Variants in F13A1 observed in about 807,000 individuals in gnomAD.
F13A1 encodes coagulation factor XIII A chain.
F13A1 carries 47 observed loss-of-function variants against 80.1 expected under a neutral mutation model. The ratio of observed to expected loss-of-function variants is 0.59; its 90% CI spans 0.46 to 0.75. F13A1 has a LOEUF of 0.75. F13A1 is among the 30% of genes least tolerant of loss of function. The pLI is 0.00. For synonymous variants in F13A1, 349 were observed against 344.9 expected, an observed-to-expected ratio of 1.01 and a Z score of -0.13; for missense variants, 817 against 930.4, an observed-to-expected ratio of 0.88 and a Z score of 1.59.
intron 12 of F13A1, among the ~76,000 whole-genome samples, chr6:6,172,313 C>G (rs1760790531): frequency 6.6e-6 from 1 of 152,124 alleles, no homozygotes; most frequent in African/African-American, 2.4e-5. Context: ...AATGTGGCTG[C>G]CTGTTTTAAA....
At chr6:6,300,548 C>T (rs1758411658) in intron 3 of F13A1, among the ~76,000 whole-genome samples, 1 of 152,186 alleles carries the variant, frequency 6.6e-6, no homozygotes, top group Admixed American at 6.5e-5. Context: ...GGAAAGGGAA[C>T]TCCCTGACCC....
rs1393018398 is a variant in F13A1 at position 6,182,094 on chromosome 6, A to C, written c.1353T>G (p.His451Gln). ...IYITAKKDGT[H>Q]VVENVDATHI... Reference sequence around the variant, plus strand: ...GGGTGGCATCCACATTTTCCACCACATGAGTGCCATCTTTCTTAGCTGTAA... The same window carrying C: ...GGGTGGCATCCACATTTTCCACCACCTGAGTGCCATCTTTCTTAGCTGTAA... The change falls in exon 11 of 15, where the codon CAT (histidine) becomes CAG (glutamine). Residue 451 changes from histidine (H) to glutamine (Q), a missense_variant. Coordinates refer to ENST00000264870, the MANE Select transcript of F13A1 (RefSeq NM_000129.4). The C allele has an allele frequency of 3.7e-6, 6 of 1,614,186 alleles. No homozygotes were observed. The Admixed American group carries it at 1.0e-4, about 27-fold the overall frequency.
chr6:6,315,660 C>T (rs1235789983), intron 2 of F13A1, among the ~76,000 whole-genome samples: 5 of 152,046 alleles, frequency 3.3e-5, no homozygotes, highest in South Asian at 2.1e-4. Flanking sequence ...ATGAAAAAGC[C>T]GCCATTTCCC....
intron 13 of F13A1, among the ~76,000 whole-genome samples, chr6:6,161,583 A>G (rs1230275401): frequency 1.3e-5 from 2 of 151,468 alleles, no homozygotes; most frequent in African/African-American, 4.9e-5. Flanking sequence ...AGAGAGAACA[A>G]GCAACACATG....
intron 13 of F13A1, among the ~76,000 whole-genome samples, chr6:6,164,925 A>G (rs1292555305): frequency 6.6e-6 from 1 of 151,672 alleles, no homozygotes; most frequent in Non-Finnish European, 1.5e-5. Context: ...CACAGGCCGG[A>G]GCTTCTGCAC....
intron 3 of F13A1, among the ~76,000 whole-genome samples, chr6:6,297,922 C>A (rs1432240159): frequency 6.7e-6 from 1 of 149,774 alleles, no homozygotes; most frequent in Non-Finnish European, 1.5e-5. Context: ...GCTTTGAATG[C>A]GTCCCTGAGA....
chr6:6,290,623 A>G (rs1758210020), intron 3 of F13A1, among the ~76,000 whole-genome samples: 1 of 152,210 alleles, frequency 6.6e-6, no homozygotes, highest in South Asian at 2.1e-4. Context: ...TGATGATGGA[A>G]CTTTTTTCCC....
intron 8 of F13A1, among the ~76,000 whole-genome samples, chr6:6,204,913 C>G (rs747534165): frequency 6.6e-6 from 1 of 152,216 alleles, no homozygotes; most frequent in South Asian, 2.1e-4. Flanking sequence ...GCAGTCCAGT[C>G]AGGTGGAGAC....
At chr6:6,177,062 C>T (rs1008569027) in intron 11 of F13A1, among the ~76,000 whole-genome samples, 21 of 152,186 alleles carry the variant, frequency 1.4e-4, no homozygotes, top group African/African-American at 4.8e-4. Flanking sequence ...ATTCCTGTTT[C>T]TCTACAGTTA....
At chr6:6,179,431 A>G (rs1430093853) in intron 11 of F13A1, among the ~76,000 whole-genome samples, 1 of 152,076 alleles carries the variant, frequency 6.6e-6, no homozygotes, top group Non-Finnish European at 1.5e-5. Context: ...TCATTTCCAT[A>G]TTTTGGTATC....
intron 13 of F13A1, among the ~76,000 whole-genome samples, chr6:6,161,551 TGAGAGAGAGAGA>T (rs111622535): frequency 6.8e-6 from 1 of 146,282 alleles, no homozygotes; most frequent in Non-Finnish European, 1.5e-5. Flanking sequence ...TGTGTGTGTG[TGAGAGAGAGAGA>T]GAGAGAGAGA....
intron 3 of F13A1, among the ~76,000 whole-genome samples, chr6:6,277,601 A>T (rs1758005989): frequency 6.6e-6 from 1 of 152,224 alleles, no homozygotes; most frequent in Admixed American, 6.5e-5. Context: ...ACATTCCACC[A>T]GCCACAACTA....
chr6:6,228,010 C>T (rs1164211402), intron 6 of F13A1, among the ~76,000 whole-genome samples: 1 of 152,186 alleles, frequency 6.6e-6, no homozygotes, highest in Non-Finnish European at 1.5e-5. Flanking sequence ...TATCTCCCCT[C>T]ATAAGCAACA....
chr6:6,237,752 T>A (rs1757431609), intron 6 of F13A1, among the ~76,000 whole-genome samples: 2 of 152,196 alleles, frequency 1.3e-5, no homozygotes, highest in Non-Finnish European at 2.9e-5. Flanking sequence ...TTTCCCAGAC[T>A]TTATGTTCAC....
At chr6:6,182,708 T>C (rs1761011469) in intron 10 of F13A1, among the ~76,000 whole-genome samples, 1 of 152,102 alleles carries the variant, frequency 6.6e-6, no homozygotes, top group Non-Finnish European at 1.5e-5. Context: ...CTGCTGACAA[T>C]GAGAAGGTGG....
chr6:6,293,177 CT>C (rs964778986), intron 3 of F13A1, among the ~76,000 whole-genome samples: 53 of 152,284 alleles, frequency 3.5e-4, no homozygotes, highest in African/African-American at 1.3e-3. Context: ...GAGAAAGAAA[CT>C]TGCTCATGGA....
chr6:6,163,053 C>T (rs868634243), intron 13 of F13A1, among the ~76,000 whole-genome samples: 3 of 152,204 alleles, frequency 2.0e-5, no homozygotes, highest in African/African-American at 7.2e-5. Flanking sequence ...TCATCATAAT[C>T]ACCAGGGGCT....
At chr6:6,318,065 CT>C (rs3024473) in intron 2 of F13A1, among the ~76,000 whole-genome samples, 374 of 152,298 alleles carry the variant, frequency 2.5e-3, no homozygotes, top group Non-Finnish European at 4.5e-3. Context: ...CTGTCAGAGT[CT>C]GGCACTTCTC....
chr6:6,241,332 T>C (rs1757481068), intron 6 of F13A1, among the ~76,000 whole-genome samples: 1 of 152,128 alleles, frequency 6.6e-6, no homozygotes, highest in Non-Finnish European at 1.5e-5. Context: ...GGAAGTTGTA[T>C]CTTTACCCCC....
Sources: allele counts gnomAD v4.1 joint callset (sites outside exome capture counted in the v4.1 genomes callset), GRCh38; gene constraint gnomAD v4.1.1; transcripts MANE v1.5; gene names NCBI Gene and HGNC (gene_info 2026-07-23, HGNC 2026-07-21).